CACNA1C: variants seen among roughly 807,000 people sequenced by gnomAD.
The protein encoded by CACNA1C is calcium voltage-gated channel subunit alpha1 C.
In CACNA1C, 30 loss-of-function variants were observed where a neutral mutation model predicts 229.0. The ratio of observed to expected loss-of-function variants is 0.13; its 90% confidence interval spans 0.10 to 0.18. The LOEUF (loss-of-function observed/expected upper bound fraction) is 0.18, where lower values mean the gene tolerates loss of function less well. Ranked by LOEUF, CACNA1C falls within the 10% of genes least tolerant of loss-of-function variation. CACNA1C has a pLI of 1.00. For synonymous variants in CACNA1C, 1,114 were observed against 1,132.5 expected (o/e 0.98, Z 0.33); for missense variants, 1,658 against 2,845.0 (o/e 0.58, Z 9.49).
At chr12:1,986,637 TAGAA>T in intron 1 of CACNA1C, among the ~76,000 whole-genome samples, 1 of 146,890 alleles carries the variant, frequency 6.8e-6, no homozygotes, top group South Asian at 2.1e-4. Context: ...GGGAAGTTTT[TAGAA>T]AGAGGAGTTT....
At chr12:2,396,355 T>C (rs1274173261) in intron 3 of CACNA1C, among the ~76,000 whole-genome samples, 3 of 152,094 alleles carry the variant, frequency 2.0e-5, no homozygotes, top group Non-Finnish European at 4.4e-5. Context: ...CTGTTTCTGC[T>C]CCCTTTCGGT....
At position 2,605,910 on chromosome 12, in the gene CACNA1C, C is replaced by T. The variant is rs558324753; in HGVS notation, c.3156+124C>T. 2 of 693,610 alleles carry T rather than the reference C, an allele frequency of 2.9e-6. No individual in the cohort carries two copies. Among genetic ancestry groups the T allele is most frequent in the South Asian group, 3.3e-5 (2 of 60,186 alleles). The allele number at this position is 693,610 out of a possible 1,614,324, so 43.0% of individuals were successfully genotyped here. On this transcript the variant is annotated intron_variant, in intron 24 of 46. Transcript: ENST00000399655. This position sits in a 1 kb window ranked among gnomAD's most constrained non-coding sequence, Gnocchi z 6.2. ...GAGCCAGACTTGGCTTGGATATAAC[C>T]TCCACCTGCAGCCCGACTCAACCTT...
chr12:2,066,831 A>C (rs927553171), intron 1 of CACNA1C, among the ~76,000 whole-genome samples: 3 of 151,978 alleles, frequency 2.0e-5, no homozygotes, highest in Admixed American at 6.6e-5. Context: ...GGGGATGAGG[A>C]AACGTAGAGG....
In CACNA1C at chr12:2,285,136, A is replaced by G. The variant is rs888156878; in HGVS notation, c.478-163840A>G. On this transcript the variant is annotated intron_variant, in intron 3 of 46. Transcript: ENST00000399655. This position sits in a 1 kb window ranked among gnomAD's most constrained non-coding sequence, Gnocchi z 4.2. ...GTCACTCACACCTTGCTCCCTCTGT[A>G]GAAACACTCTGTTTCTCTCCATTCC... 6.6e-6 allele frequency among the ~76,000 whole-genome samples: 1 copy of G among 152,178 alleles called. No individual in the cohort carries two copies. Among genetic ancestry groups the G allele is most frequent in the African/African-American group, 2.4e-5 (1 of 41,452 alleles).
intron 11 of CACNA1C, among the ~76,000 whole-genome samples, chr12:2,565,362 G>C (rs923109857): frequency 1.3e-5 from 2 of 151,922 alleles, no homozygotes; most frequent in South Asian, 2.1e-4. Flanking sequence ...AGCTACTCGG[G>C]AGGCTGAGGC....
chr12:2,561,903 C>T lies in CACNA1C; in HGVS notation c.1509-4519C>T, dbSNP rs1174675202. Among the ~76,000 whole-genome samples, 4 of 152,264 alleles carry T rather than the reference C, an allele frequency of 2.6e-5. No individual in the cohort carries two copies. In the East Asian group the frequency reaches 5.8e-4, roughly 22 times the overall value. The stretch of plus-strand genomic sequence containing the variant: ...CTATTTTATCATTTAATTTCTGTAT[C>T]CTCCATGCATATGTAAACATAAATA... On this transcript the variant is annotated intron_variant, in intron 11 of 46. Transcript: ENST00000399655.
rs2053930158 is a variant in CACNA1C at position 2,054,652 on chromosome 12, G to A, written c.49+1041G>A. Among the ~76,000 whole-genome samples the A allele has an allele frequency of 6.7e-6, 1 of 149,060 alleles. No homozygotes were observed. The highest frequency in any genetic ancestry group is 2.2e-4 in the South Asian group (1 of 4,462). On this transcript the variant is annotated intron_variant, in intron 1 of 46. Transcript: ENST00000399655. This position sits in a 1 kb window ranked among gnomAD's most constrained non-coding sequence, Gnocchi z 5.5. ...TTTGGGGACGGGGGGTGCAGACAGG[G>A]TGGTCCAGCGGGGCTTTCTGGCAAC...
At position 2,602,631 on chromosome 12, in the gene CACNA1C, TGTGTGTGTGTG is replaced by T. The variant is rs763002036; in HGVS notation, c.2960+672_2960+682del. On this transcript the variant is annotated intron_variant, in intron 22 of 46. Coordinates refer to ENST00000399655, the MANE Select transcript of CACNA1C (RefSeq NM_000719.7). The surrounding 1 kb of genome is among the most constrained non-coding windows in gnomAD (Gnocchi z 4.4). ...TGTGTGACTGTGTATATTTGTGTCTTGTGTGTGTGTGTGTGTGTGTGTGTGTGTGTGTGTGT... is the reference window on the plus strand; with the variant it reads ...TGTGTGACTGTGTATATTTGTGTCTTTGTGTGTGTGTGTGTGTGTGTGTGT... Among the ~76,000 whole-genome samples, 298 of 38,328 alleles carry T rather than the reference TGTGTGTGTGTG, an allele frequency of 7.8e-3. 1 individual carries two copies. The highest frequency in any genetic ancestry group is 0.037 in the Middle Eastern group (4 of 108). 25.1% of individuals were successfully genotyped at this position (38,328 alleles called of 152,430 possible).
intron 3 of CACNA1C, among the ~76,000 whole-genome samples, chr12:2,169,985 G>C (rs948841640): frequency 1.3e-5 from 2 of 152,204 alleles, no homozygotes; most frequent in Non-Finnish European, 2.9e-5. Flanking sequence ...GAGTGACACA[G>C]AAGAGCAGGG....
At chr12:2,050,688 T>C (rs1424399164), upstream of CACNA1C, among the ~76,000 whole-genome samples, 3 of 152,240 alleles carry the variant, frequency 2.0e-5, no homozygotes, top group African/African-American at 7.2e-5. Context: ...AGATTTCTCT[T>C]GTAACCAACA....
At chr12:2,121,600 A>G (rs1474469184) in intron 3 of CACNA1C, among the ~76,000 whole-genome samples, 1 of 152,308 alleles carries the variant, frequency 6.6e-6, no homozygotes, top group East Asian at 1.9e-4. Flanking sequence ...AGCTGGGCAC[A>G]CCACTGAGTG....
At chr12:2,019,302 A>C (rs1230474730) in intron 1 of CACNA1C, among the ~76,000 whole-genome samples, 1 of 152,016 alleles carries the variant, frequency 6.6e-6, no homozygotes, top group African/African-American at 2.4e-5. Context: ...TCACTACAAA[A>C]AATTTTTAAA....
chr12:2,137,528 G>C (rs1438932552), intron 3 of CACNA1C, among the ~76,000 whole-genome samples: 1 of 151,268 alleles, frequency 6.6e-6, no homozygotes, highest in African/African-American at 2.4e-5. Flanking sequence ...CAAGGCAGCA[G>C]TGAGCTATGA....
At chr12:2,126,007 G>T (rs1410935123) in intron 3 of CACNA1C, among the ~76,000 whole-genome samples, 1 of 152,190 alleles carries the variant, frequency 6.6e-6, no homozygotes, top group African/African-American at 2.4e-5. Flanking sequence ...AGATTCCCTC[G>T]CAAACGCATC....
At chr12:2,268,550 C>T (rs1301332773) in intron 3 of CACNA1C, among the ~76,000 whole-genome samples, 2 of 152,084 alleles carry the variant, frequency 1.3e-5, no homozygotes, top group African/African-American at 2.4e-5. Flanking sequence ...AGGTCACATT[C>T]GCCCCATGGT....
rs527699161 is a variant in CACNA1C, at chr12:2,169,042, C to T, written c.477+48612C>T. Among the ~76,000 whole-genome samples the T allele has an allele frequency of 3.9e-5, 6 of 152,294 alleles. No individual in the cohort carries two copies. The East Asian group carries it at 1.2e-3, about 29-fold the overall frequency. ...CCTTGCTGGGGAGGGGATCCAAAGT[C>T]CAGCCGCTCGCCTTCAGCATGACAC... On this transcript the variant is annotated intron_variant, in intron 3 of 46. Coordinates refer to ENST00000399655, the MANE Select transcript of CACNA1C (RefSeq NM_000719.7).
chr12:2,251,948 A>G (rs1566679228), intron 3 of CACNA1C, among the ~76,000 whole-genome samples: 1 of 152,192 alleles, frequency 6.6e-6, no homozygotes, highest in Non-Finnish European at 1.5e-5. Context: ...GACACCATGA[A>G]AATTTAGTCT....
chr12:2,606,673 G>T lies in CACNA1C; in HGVS notation c.3209+10G>T, dbSNP rs1463690022. ...CAGAGGCGGAATGCAAGTGAGTAGA[G>T]GTGGGAGGGCAGCCAGGGCCACGGC... On this transcript the variant is annotated intron_variant, in intron 25 of 46. Transcript: ENST00000399655. 3 of 1,607,228 alleles carry T rather than the reference G, an allele frequency of 1.9e-6. No individual in the cohort carries two copies. The highest frequency in any genetic ancestry group is 2.2e-5 in the South Asian group (2 of 89,400).
At chr12:2,072,955 C>A (rs747428188) in intron 1 of CACNA1C, among the ~76,000 whole-genome samples, 3 of 152,040 alleles carry the variant, frequency 2.0e-5, no homozygotes, top group African/African-American at 7.2e-5. Flanking sequence ...AGATACCAGA[C>A]GGACACAGTG....
Sources: gnomAD v4.1 joint callset for allele counts (sites outside exome capture counted in the v4.1 genomes callset) on GRCh38, gnomAD v4.1.1 for gene constraint, Gnocchi (gnomAD v3.1) non-coding constraint, MANE v1.5 for transcripts, NCBI Gene and HGNC (gene_info 2026-07-23, HGNC 2026-07-21) for gene names.